Variants in DNAI2 observed in about 807,000 individuals in gnomAD.
DNAI2 encodes the protein dynein, axonemal, intermediate polypeptide 2.
Under a neutral mutation model 74.7 loss-of-function variants are expected in DNAI2, and 63 were observed. The ratio of observed to expected loss-of-function variants is 0.84; its 90% CI spans 0.69 to 1.04. DNAI2 has a LOEUF of 1.04. Ranked by LOEUF, DNAI2 falls within the 50% of genes least tolerant of loss-of-function variation. DNAI2 has a pLI of 0.00. For missense variants in DNAI2, 688 were observed against 803.2 expected (o/e 0.86, Z 1.73); for synonymous variants, 289 against 314.9 (o/e 0.92, Z 0.87).
chr17:74,300,868 G>A lies in DNAI2; in HGVS notation c.865-178G>A, dbSNP rs2052720105. On this transcript the variant is annotated intron_variant, in intron 7 of 13. Transcript: ENST00000311014. The surrounding 1 kb of genome is among the most constrained non-coding windows in gnomAD (Gnocchi z 4.5). The stretch of plus-strand genomic sequence containing the variant: ...CGGCGACTCTGATGATCAGCCAGGT[G>A]TGGGAACTGTGGACAGAACAGCAAT... Among the ~76,000 whole-genome samples the A allele has an allele frequency of 6.6e-6, 1 of 152,200 alleles. No individual in the cohort carries two copies. Among genetic ancestry groups the A allele is most frequent in the Non-Finnish European group, 1.5e-5 (1 of 68,048 alleles).
At chr17:74,285,004 AG>A (rs2051625674) in intron 2 of DNAI2, 35 bp from the exon 3 acceptor site, 2 of 1,613,734 alleles carry the variant, frequency 1.2e-6, no homozygotes, top group East Asian at 4.5e-5. Flanking sequence ...GGAGTATACC[AG>A]GGTGACGTCT....
intron 11 of DNAI2, among the ~76,000 whole-genome samples, chr17:74,311,339 T>C (rs2144123144): frequency 6.6e-6 from 1 of 151,154 alleles, no homozygotes; most frequent in Non-Finnish European, 1.5e-5. Context: ...TAGGGCCGGG[T>C]GTGGTGGCTC....
chr17:74,274,959 C>G (rs1053540875), intron 1 of DNAI2, among the ~76,000 whole-genome samples: 4 of 152,218 alleles, frequency 2.6e-5, no homozygotes, highest in African/African-American at 9.6e-5. Flanking sequence ...CACAGAAGTG[C>G]GTCTTCTCCC....
chr17:74,283,462 C>A (rs1432577663), intron 2 of DNAI2, among the ~76,000 whole-genome samples: 2 of 149,678 alleles, frequency 1.3e-5, no homozygotes, highest in Non-Finnish European at 3.0e-5. Context: ...TTTTTAATTA[C>A]CCAGTTGTGG....
chr17:74,306,881 G>A (rs58530220), intron 9 of DNAI2, among the ~76,000 whole-genome samples: 7,298 of 152,274 alleles, frequency 0.048, 575 homozygotes, highest in African/African-American at 0.17. Context: ...GCCTCCCGAA[G>A]GGCTGGGATT....
intron 2 of DNAI2, among the ~76,000 whole-genome samples, chr17:74,284,321 T>C (rs2051570267): frequency 1.3e-5 from 2 of 152,166 alleles, no homozygotes; most frequent in African/African-American, 4.8e-5. Flanking sequence ...AACTTGGAGT[T>C]TTAACGTTCA....
intron 10 of DNAI2, 23 bp from the exon 11 acceptor site, chr17:74,309,994 G>T: frequency 6.2e-7 from 1 of 1,613,558 alleles, no homozygotes; most frequent in Non-Finnish European, 8.5e-7. Flanking sequence ...CCTCTACCTG[G>T]GTCTGCCCGG....
At chr17:74,309,768 G>T (rs1203408179) in intron 10 of DNAI2, 2 of 640,156 alleles carry the variant, frequency 3.1e-6, no homozygotes, top group Admixed American at 4.9e-5. Context: ...GGCCACGGAA[G>T]GGTGGGGGCA....
Position 74,286,961 on chromosome 17 carries a change from A to G in DNAI2, c.346-16A>G. ...CCTCCATTTACTGCGGAGAACTTCC[A>G]ATGTGTCCCCCCTAGATCATGGAGC... On this transcript the variant is annotated splice_polypyrimidine_tract_variant and intron_variant, in intron 3 of 13. Transcript: ENST00000311014. 2 of 1,613,708 alleles carry G rather than the reference A, an allele frequency of 1.2e-6. No homozygotes were observed. The highest frequency in any genetic ancestry group is 1.7e-6 in the Non-Finnish European group (2 of 1,179,726).
At chr17:74,296,079 C>T (rs572121401) in intron 6 of DNAI2, among the ~76,000 whole-genome samples, 1 of 152,146 alleles carries the variant, frequency 6.6e-6, no homozygotes, top group African/African-American at 2.4e-5. Flanking sequence ...TCTATCCATG[C>T]TTGTGACCTT....
chr17:74,297,415 G>A (rs2052513407), intron 6 of DNAI2, among the ~76,000 whole-genome samples: 1 of 139,896 alleles, frequency 7.1e-6, no homozygotes. Flanking sequence ...TTTTGAGACA[G>A]GGTCTTGCTC....
chr17:74,306,802 T>C (rs11656329), intron 9 of DNAI2, among the ~76,000 whole-genome samples: 78,520 of 152,070 alleles, frequency 0.52, 21,652 homozygotes, highest in Non-Finnish European at 0.65. Context: ...ATTTTTAGTA[T>C]AGACAGAGTT....
At chr17:74,295,982 G>C (rs1004385085) in intron 6 of DNAI2, among the ~76,000 whole-genome samples, 1 of 152,126 alleles carries the variant, frequency 6.6e-6, no homozygotes, top group Non-Finnish European at 1.5e-5. Flanking sequence ...CTCTGCCTTA[G>C]TGTCTGTGCA....
chr17:74,281,753 A>T lies in DNAI2; in HGVS notation c.-11-54A>T, dbSNP rs771837155. ...AGCTGTCCTGGCAGGACCTGTGGAG[A>T]TAGGGAAGGGGCCGGTGGGGTCCCT... On this transcript the variant is annotated intron_variant, in intron 1 of 13. Coordinates refer to ENST00000311014, the MANE Select transcript of DNAI2 (RefSeq NM_023036.6). The T allele has an allele frequency of 7.6e-6, 12 of 1,581,524 alleles. No individual in the cohort carries two copies. The East Asian group carries it at 2.2e-4, about 29-fold the overall frequency.
intron 4 of DNAI2, 60 bp from the exon 5 acceptor site, chr17:74,289,534 A>T: frequency 9.6e-6 from 14 of 1,452,428 alleles, no homozygotes; most frequent in Non-Finnish European, 1.2e-5. Context: ...AAAAAAAAAA[A>T]GGGGGAGAAA....
intron 13 of DNAI2, 139 bp from the exon 14 acceptor site, chr17:74,314,450 C>T (rs1196346621): frequency 4.2e-5 from 32 of 766,002 alleles, no homozygotes; most frequent in Non-Finnish European, 4.7e-5. Flanking sequence ...GGGCTTGTCC[C>T]GGAGCTGGCT....
intron 9 of DNAI2, chr17:74,307,077 T>A (rs78440886): frequency 0.021 from 6,930 of 330,232 alleles, 89 homozygotes; most frequent in African/African-American, 0.034. Context: ...TTCGATGTCC[T>A]CATTCTACAG....
Position 74,281,939 on chromosome 17 carries a change from T to A in DNAI2, c.122T>A (p.Phe41Tyr). 1 of 1,614,186 alleles carries A rather than the reference T, an allele frequency of 6.2e-7. No individual in the cohort carries two copies. Among genetic ancestry groups the A allele is most frequent in the Non-Finnish European group, 8.5e-7 (1 of 1,180,028 alleles). The stretch of plus-strand genomic sequence containing the variant: ...CCCAACCCTGAGCTGGCCGAGCAGT[T>A]CGTGGAGCGGAACCCAGTGGACACG... Reference protein sequence around the residue: ...IMPNPELAEQFVERNPVDTGI... With the variant: ...IMPNPELAEQYVERNPVDTGI... Residue 41 changes from phenylalanine to tyrosine, a missense_variant, in exon 2 of 14, where the codon TTC becomes TAC. Transcript: ENST00000311014.
chr17:74,281,781 C>G, intron 1 of DNAI2, 26 bp from the exon 2 acceptor site: 1 of 1,610,254 alleles, frequency 6.2e-7, no homozygotes, highest in East Asian at 2.2e-5. Context: ...GGGTCCCTCA[C>G]CCCACACCCT....
Sources: gnomAD v4.1 joint callset for allele counts (sites outside exome capture counted in the v4.1 genomes callset) on GRCh38, gnomAD v4.1.1 for gene constraint, Gnocchi (gnomAD v3.1) non-coding constraint, MANE v1.5 for transcripts, NCBI Gene and HGNC (gene_info 2026-07-23, HGNC 2026-07-21) for gene names.